TAFA4: variants seen among roughly 807,000 people sequenced by gnomAD.
TAFA4 encodes the protein TAFA chemokine like family member 4.
TAFA4 carries 20 observed loss-of-function variants against 21.1 expected under a neutral mutation model. The ratio of observed to expected loss-of-function variants is 0.95; its 90% CI spans 0.67 to 1.38. The LOEUF (loss-of-function observed/expected upper bound fraction) is 1.38. Among genes scored for constraint, TAFA4 ranks in the 40% most tolerant of loss-of-function variants. The pLI is 0.00. For synonymous variants in TAFA4, 71 were observed against 67.4 expected (o/e 1.05, Z -0.26); for missense variants, 211 against 180.9 (o/e 1.17, Z -0.95).
intron 4 of TAFA4, among the ~76,000 whole-genome samples, chr3:68,744,008 A>C (rs1456441585): frequency 5.3e-5 from 8 of 152,252 alleles, no homozygotes; most frequent in Non-Finnish European, 1.0e-4. Flanking sequence ...TTAAAATACC[A>C]TCTGCAGGAC....
chr3:68,745,109 GTTA>G lies in TAFA4; in HGVS notation c.287-5913_287-5911del, dbSNP rs1247186022. On this transcript the variant is annotated intron_variant, in intron 4 of 5. Coordinates refer to ENST00000295569, the MANE Select transcript of TAFA4 (RefSeq NM_182522.5). ...AATCAAAAGACACATTGCAAATTCC[GTTA>G]TGAGTTAAGGATTGACTAAAAACTG... is the stretch of plus-strand genomic sequence containing the variant. Among the ~76,000 whole-genome samples the G allele has an allele frequency of 2.0e-5, 3 of 152,260 alleles. No individual in the cohort carries two copies. In the East Asian group the frequency reaches 5.8e-4, roughly 29 times the overall value.
chr3:68,755,496 G>A (rs138634155), intron 3 of TAFA4, among the ~76,000 whole-genome samples: 2 of 152,302 alleles, frequency 1.3e-5, no homozygotes, highest in East Asian at 3.9e-4. Context: ...TAGGTCACAT[G>A]TCAACTGTGG....
intron 1 of TAFA4, among the ~76,000 whole-genome samples, chr3:68,901,326 A>T (rs1281845948): frequency 6.6e-6 from 1 of 152,182 alleles, no homozygotes; most frequent in African/African-American, 2.4e-5. Flanking sequence ...TAAAAAAAAA[A>T]AAAATTCTTA....
At chr3:68,815,474 A>G (rs1407150163) in intron 3 of TAFA4, among the ~76,000 whole-genome samples, 3 of 152,292 alleles carry the variant, frequency 2.0e-5, no homozygotes, top group South Asian at 2.1e-4. Context: ...CAAGAAAAAA[A>G]CAAACAACCC....
chr3:68,765,250 C>T (rs1040129993), intron 3 of TAFA4, among the ~76,000 whole-genome samples: 1 of 152,044 alleles, frequency 6.6e-6, no homozygotes, highest in African/African-American at 2.4e-5. Flanking sequence ...AGGACCATCT[C>T]GTGAACAAAA....
intron 1 of TAFA4, among the ~76,000 whole-genome samples, chr3:68,924,521 T>C (rs1237902762): frequency 6.6e-6 from 1 of 152,138 alleles, no homozygotes; most frequent in Non-Finnish European, 1.5e-5. Flanking sequence ...GAGTTCAGTT[T>C]TGCACCACGA....
chr3:68,855,223 T>C (rs1575642837), intron 3 of TAFA4, among the ~76,000 whole-genome samples: 1 of 152,096 alleles, frequency 6.6e-6, no homozygotes, highest in East Asian at 1.9e-4. Context: ...AAAGAAAAAA[T>C]ACAATCTAGA....
chr3:68,890,703 A>C (rs1239844066), intron 1 of TAFA4, among the ~76,000 whole-genome samples: 2 of 152,214 alleles, frequency 1.3e-5, no homozygotes, highest in Non-Finnish European at 1.5e-5. Context: ...CAAGGTACCT[A>C]CAGTTTCAGT....
chr3:68,739,668 T>C (rs1702311585), intron 4 of TAFA4, among the ~76,000 whole-genome samples: 1 of 152,176 alleles, frequency 6.6e-6, no homozygotes, highest in Non-Finnish European at 1.5e-5. Context: ...GTGGTATAGA[T>C]ATGCTATCAA....
intron 3 of TAFA4, among the ~76,000 whole-genome samples, chr3:68,872,512 A>C (rs2089494997): frequency 6.6e-6 from 1 of 152,104 alleles, no homozygotes; most frequent in African/African-American, 2.4e-5. Flanking sequence ...TATAGTTAAC[A>C]ATAATTTAGT....
intron 1 of TAFA4, among the ~76,000 whole-genome samples, chr3:68,911,456 C>G (rs1344705276): frequency 6.6e-6 from 1 of 152,214 alleles, no homozygotes; most frequent in Non-Finnish European, 1.5e-5. Context: ...CTCATTTACA[C>G]CTCACACACC....
rs762823201 is a variant in TAFA4, at chr3:68,885,159, G to A, written c.14+16C>T. 2.5e-6 allele frequency: 4 copies of A among 1,611,688 alleles called. No homozygotes were observed. Among genetic ancestry groups the A allele is most frequent in the Non-Finnish European group, 3.4e-6 (4 of 1,178,644 alleles). On this transcript the variant is annotated intron_variant, in intron 2 of 5. Coordinates refer to ENST00000295569, the MANE Select transcript of TAFA4 (RefSeq NM_182522.5). ...GTAAAGATATCATGTCCAGGTGAAC[G>A]TTAAAATAATCTTACCTTGGGGACC...
At chr3:68,737,058 T>G (rs1355877306) in intron 5 of TAFA4, among the ~76,000 whole-genome samples, 2 of 152,174 alleles carry the variant, frequency 1.3e-5, no homozygotes, top group Non-Finnish European at 2.9e-5. Context: ...TAACTACACA[T>G]AAATAGAAAG....
intron 3 of TAFA4, 102 bp from the exon 4 acceptor site, chr3:68,753,120 G>T: frequency 9.7e-7 from 1 of 1,032,426 alleles, no homozygotes; most frequent in South Asian, 1.6e-5. Flanking sequence ...AACTTCCTGT[G>T]CTATGCTTAT....
intron 1 of TAFA4, among the ~76,000 whole-genome samples, chr3:68,904,075 A>C (rs1162416614): frequency 6.6e-6 from 1 of 152,164 alleles, no homozygotes; most frequent in Non-Finnish European, 1.5e-5. Context: ...TAAAAAAAAA[A>C]AAAAAACAAT....
chr3:68,773,952 T>C (rs1176079366), intron 3 of TAFA4, among the ~76,000 whole-genome samples: 1 of 152,164 alleles, frequency 6.6e-6, no homozygotes, highest in East Asian at 1.9e-4. Flanking sequence ...ATTGTCAACA[T>C]GTTTGTCCAA....
intron 4 of TAFA4, among the ~76,000 whole-genome samples, chr3:68,750,480 A>C (rs1169503093): frequency 6.6e-6 from 1 of 152,182 alleles, no homozygotes; most frequent in Non-Finnish European, 1.5e-5. Flanking sequence ...ATTTGTGTAA[A>C]ACACACACTC....
At chr3:68,803,809 T>TTTTTTG in intron 3 of TAFA4, among the ~76,000 whole-genome samples, 1 of 136,046 alleles carries the variant, frequency 7.4e-6, no homozygotes, top group Non-Finnish European at 1.6e-5. Flanking sequence ...TTTTTTTTTT[T>TTTTTTG]TTTTTTTTTT....
At chr3:68,781,358 G>A (rs949418898) in intron 3 of TAFA4, among the ~76,000 whole-genome samples, 1 of 151,566 alleles carries the variant, frequency 6.6e-6, no homozygotes, top group Non-Finnish European at 1.5e-5. Context: ...TCTTCAAAAG[G>A]CCAGTTAAAT....
Sources: gnomAD v4.1 joint callset for allele counts (sites outside exome capture counted in the v4.1 genomes callset) on GRCh38, gnomAD v4.1.1 for gene constraint, MANE v1.5 for transcripts, NCBI Gene and HGNC (gene_info 2026-07-23, HGNC 2026-07-21) for gene names.